LHPP: variants seen among roughly 807,000 people sequenced by gnomAD.
LHPP encodes the protein hLHPP.
In LHPP, 24 loss-of-function variants were observed where a neutral mutation model predicts 30.3. That is an observed-to-expected ratio of 0.79 (90% CI 0.57 to 1.11). The LOEUF is 1.11. LHPP is among the 50% of genes most tolerant of loss of function. The pLI is 0.00. For missense variants in LHPP, 356 were observed against 367.2 expected (o/e 0.97, Z 0.25); for synonymous variants, 150 against 157.1 (o/e 0.95, Z 0.34).
At chr10:124,498,925 AGGCTGGAGTGCAGTGGCGCTGTCTC>A (rs1158313851) in intron 5 of LHPP, among the ~76,000 whole-genome samples, 1 of 141,108 alleles carries the variant, frequency 7.1e-6, no homozygotes, top group Non-Finnish European at 1.5e-5. Flanking sequence ...TCTGTCACCC[AGGCTGGAGTGCAGTGGCGCTGTCTC>A]GGCTCACTGC....
At position 124,517,106 on chromosome 10, in the gene LHPP, CA is replaced by C; in HGVS notation, c.625-67del. ...CATCAAATCAAGCCATTTATTATGTCAAAAAAAGATGAAGGAGCCCGGGAAT... is the reference window on the plus strand; with the variant it reads ...CATCAAATCAAGCCATTTATTATGTCAAAAAAGATGAAGGAGCCCGGGAAT... On this transcript the variant is annotated intron_variant, in intron 5 of 6. Coordinates refer to ENST00000368842, the MANE Select transcript of LHPP (RefSeq NM_022126.4). This position sits in a 1 kb window ranked among gnomAD's most constrained non-coding sequence, Gnocchi z 4.1. 23 of 959,512 alleles carry C rather than the reference CA, an allele frequency of 2.4e-5. No individual in the cohort carries two copies. The highest frequency in any genetic ancestry group is 8.5e-5 in the South Asian group (5 of 58,956). 59.4% of individuals were successfully genotyped at this position (959,512 alleles called of 1,614,324 possible).
intron 6 of LHPP, among the ~76,000 whole-genome samples, chr10:124,526,587 C>T (rs1460596040): frequency 1.3e-5 from 2 of 152,212 alleles, no homozygotes; most frequent in African/African-American, 4.8e-5. Context: ...TGGGGGCTCA[C>T]AGGACTGGTC....
At chr10:124,591,707 A>G (rs976271618) in intron 6 of LHPP, among the ~76,000 whole-genome samples, 1 of 151,940 alleles carries the variant, frequency 6.6e-6, no homozygotes, top group African/African-American at 2.4e-5. Flanking sequence ...TCTTCTAACA[A>G]GCATTTGGTA....
intron 5 of LHPP, among the ~76,000 whole-genome samples, chr10:124,506,269 C>CA (rs1589805752): frequency 8.0e-6 from 1 of 125,030 alleles, no homozygotes; most frequent in East Asian, 2.9e-4. Context: ...ACAAACCCCC[C>CA]CCCCACCCCG....
In LHPP at chr10:124,576,114, C is replaced by T. The variant is rs1366516936; in HGVS notation, c.717-37150C>T. Among the ~76,000 whole-genome samples, 3 of 152,190 alleles carry T rather than the reference C, an allele frequency of 2.0e-5. No individual in the cohort carries two copies. Among genetic ancestry groups the T allele is most frequent in the Non-Finnish European group, 2.9e-5 (2 of 68,038 alleles). ...GCTCTCAGACCTGGTTTCTTAACCA[C>T]TGTGTTCACTGAACACCCCGGGCTT... On this transcript the variant is annotated intron_variant, in intron 6 of 6. Coordinates refer to ENST00000368842, the MANE Select transcript of LHPP (RefSeq NM_022126.4). This position sits in a 1 kb window ranked among gnomAD's most constrained non-coding sequence, Gnocchi z 4.2.
chr10:124,497,124 A>G, intron 4 of LHPP, 100 bp downstream of exon 4: 2 of 983,068 alleles, frequency 2.0e-6, no homozygotes, highest in Non-Finnish European at 3.1e-6. Flanking sequence ...TTAACGTACA[A>G]ATGGCCTTTT....
chr10:124,501,323 C>T (rs563899841), intron 5 of LHPP, among the ~76,000 whole-genome samples: 25 of 151,640 alleles, frequency 1.6e-4, no homozygotes, highest in East Asian at 9.7e-4. Flanking sequence ...GGAACTGGGC[C>T]GGGCACAGCA....
chr10:124,535,573 A>ATTTTTTT (rs34086090), intron 6 of LHPP, among the ~76,000 whole-genome samples: 1 of 146,730 alleles, frequency 6.8e-6, no homozygotes, highest in Non-Finnish European at 1.5e-5. Flanking sequence ...TTAAAAAAAC[A>ATTTTTTT]TTTTTTTTTT....
At chr10:124,606,145 ACCCGCAGCCGC>A (rs1949089616) in intron 6 of LHPP, among the ~76,000 whole-genome samples, 1 of 152,036 alleles carries the variant, frequency 6.6e-6, no homozygotes, top group African/African-American at 2.4e-5. Flanking sequence ...GGAGAGGAGA[ACCCGCAGCCGC>A]CCCGCAGGCG....
rs372733382 is a variant in LHPP at position 124,486,441 on chromosome 10, G to C, written c.314-1981G>C. On this transcript the variant is annotated intron_variant, in intron 2 of 6. Coordinates refer to ENST00000368842, the MANE Select transcript of LHPP (RefSeq NM_022126.4). ...AGCAGGACTCACAGAACTTAGAAAA[G>C]GTATTACACTCCCAGTTAGACTTAT... Among the ~76,000 whole-genome samples the C allele has an allele frequency of 1.0e-3, 153 of 152,262 alleles. 4 individuals are homozygous for C. In the South Asian group the frequency reaches 0.03, roughly 30 times the overall value.
chr10:124,476,747 G>C (rs1952960657), intron 1 of LHPP, among the ~76,000 whole-genome samples: 1 of 152,164 alleles, frequency 6.6e-6, no homozygotes, highest in South Asian at 2.1e-4. Context: ...CGGGGCTCCT[G>C]CTTGACCTTC....
chr10:124,503,264 C>G (rs901397647), intron 5 of LHPP, among the ~76,000 whole-genome samples: 2 of 151,650 alleles, frequency 1.3e-5, no homozygotes, highest in African/African-American at 2.4e-5. Context: ...CGGGGTTTCT[C>G]CATGTTGGTC....
At chr10:124,571,402 A>G (rs1416207535) in intron 6 of LHPP, among the ~76,000 whole-genome samples, 2 of 152,182 alleles carry the variant, frequency 1.3e-5, no homozygotes, top group Non-Finnish European at 2.9e-5. Context: ...TAAAGACTGG[A>G]TAGGAATATG....
At chr10:124,564,532 G>A (rs1054924177) in intron 6 of LHPP, among the ~76,000 whole-genome samples, 3 of 152,268 alleles carry the variant, frequency 2.0e-5, no homozygotes, top group African/African-American at 7.2e-5. Flanking sequence ...GGGATTACAG[G>A]TGTGCCCCAC....
chr10:124,536,704 C>A (rs1462945085), intron 6 of LHPP, among the ~76,000 whole-genome samples: 1 of 152,156 alleles, frequency 6.6e-6, no homozygotes, highest in Non-Finnish European at 1.5e-5. Context: ...TTGGAAGGGA[C>A]CCCTGAAGGC....
At chr10:124,471,570 A>T (rs1281935670) in intron 1 of LHPP, among the ~76,000 whole-genome samples, 12 of 34,466 alleles carry the variant, frequency 3.5e-4, no homozygotes, top group African/African-American at 9.8e-4. Context: ...ATATATATAA[A>T]TTTTTTTATA....
intron 6 of LHPP, among the ~76,000 whole-genome samples, chr10:124,564,124 A>AT (rs1373062721): frequency 3.3e-5 from 5 of 150,348 alleles, no homozygotes; most frequent in African/African-American, 9.8e-5. Flanking sequence ...TTTAAAAAAA[A>AT]ATTTTTTTTT....
At chr10:124,611,488 G>T (rs540158498) in intron 6 of LHPP, among the ~76,000 whole-genome samples, 1 of 152,128 alleles carries the variant, frequency 6.6e-6, no homozygotes, top group South Asian at 2.1e-4. Flanking sequence ...ATACAAGCAG[G>T]TGGGCAAGGA....
intron 6 of LHPP, among the ~76,000 whole-genome samples, chr10:124,520,128 C>T (rs543237767): frequency 9.2e-5 from 14 of 152,112 alleles, no homozygotes; most frequent in Middle Eastern, 3.4e-3. Context: ...CCACCGCGCC[C>T]GGCCTCTTTC....
Sources: allele counts gnomAD v4.1 joint callset (sites outside exome capture counted in the v4.1 genomes callset), GRCh38; gene constraint gnomAD v4.1.1; non-coding constraint Gnocchi (gnomAD v3.1); transcripts MANE v1.5; gene names NCBI Gene and HGNC (gene_info 2026-07-23, HGNC 2026-07-21).